Variants in ZNF503 observed in about 807,000 individuals in gnomAD.
ZNF503 encodes NocA-like zinc finger 2.
A neutral mutation model predicts 34.4 loss-of-function variants in ZNF503; 15 were observed. The ratio of observed to expected loss-of-function variants is 0.44; its 90% CI spans 0.29 to 0.67. The LOEUF is 0.67. Among genes scored for constraint, ZNF503 ranks in the 30% least tolerant of loss-of-function variants. The probability of loss-of-function intolerance (pLI) is 0.13; values close to 1 mark genes in which losing one functional copy is unlikely to be tolerated. For missense variants in ZNF503, 1,007 were observed against 926.8 expected, an observed-to-expected ratio of 1.09 and a Z score of -1.12; for synonymous variants, 580 against 456.8, an observed-to-expected ratio of 1.27 and a Z score of -3.44.
chr10:75,298,779 A>T, the ZNF503 span, among the ~76,000 whole-genome samples: 1 of 152,168 alleles, frequency 6.6e-6, no homozygotes, highest in East Asian at 1.9e-4. Flanking sequence ...TATAAATTAA[A>T]AAATGTTTTA....
the ZNF503 span, among the ~76,000 whole-genome samples, chr10:75,358,032 C>T: frequency 6.6e-6 from 1 of 152,052 alleles, no homozygotes; most frequent in Admixed American, 6.5e-5. Flanking sequence ...TTCCTTTTTT[C>T]CTTCCTCCAT....
At chr10:75,343,170 A>C in the ZNF503 span, 1 of 152,218 alleles carries the variant, frequency 6.6e-6, no homozygotes, top group African/African-American at 2.4e-5. Flanking sequence ...AGGCATGCTC[A>C]CTGAATGTAT....
chr10:75,286,767 C>G, the ZNF503 span, among the ~76,000 whole-genome samples: 1 of 152,184 alleles, frequency 6.6e-6, no homozygotes, highest in African/African-American at 2.4e-5. Context: ...CACCAACCTC[C>G]TGGCTTCCAG....
the ZNF503 span, chr10:75,382,731 C>T: frequency 2.8e-6 from 1 of 352,096 alleles, no homozygotes; most frequent in South Asian, 2.6e-5. Flanking sequence ...TATGCTGCTG[C>T]AAAAGCTGTA....
chr10:75,332,682 C>G, the ZNF503 span, among the ~76,000 whole-genome samples: 38 of 147,604 alleles, frequency 2.6e-4, no homozygotes, highest in Middle Eastern at 0.01. Flanking sequence ...TGACTCTTAA[C>G]GAGCATGCTG....
the ZNF503 span, among the ~76,000 whole-genome samples, chr10:75,288,141 A>C: frequency 1.3e-4 from 20 of 152,268 alleles, no homozygotes; most frequent in Non-Finnish European, 2.5e-4. Context: ...GATTTGTCTC[A>C]AGAGAGCCAC....
chr10:75,284,431 G>A, the ZNF503 span, among the ~76,000 whole-genome samples: 2 of 151,920 alleles, frequency 1.3e-5, no homozygotes, highest in Non-Finnish European at 2.9e-5. Flanking sequence ...TACTGGGTTG[G>A]GGGAAGGGGA....
At chr10:75,314,682 T>G in the ZNF503 span, among the ~76,000 whole-genome samples, 2 of 152,130 alleles carry the variant, frequency 1.3e-5, no homozygotes, top group Non-Finnish European at 2.9e-5. Flanking sequence ...GATACGTACA[T>G]CAATGTAGTT....
At chr10:75,345,938 AGC>A in the ZNF503 span, among the ~76,000 whole-genome samples, 1 of 152,198 alleles carries the variant, frequency 6.6e-6, no homozygotes, top group Admixed American at 6.5e-5. Context: ...GGAGCACAAG[AGC>A]GTCACTTGCT....
the ZNF503 span, among the ~76,000 whole-genome samples, chr10:75,311,627 C>A: frequency 2.8e-5 from 4 of 144,194 alleles, no homozygotes; most frequent in African/African-American, 1.0e-4. Context: ...AGTTTGAGAA[C>A]AGCCTGGCCC....
the ZNF503 span, among the ~76,000 whole-genome samples, chr10:75,359,799 C>T: frequency 6.6e-6 from 1 of 152,108 alleles, no homozygotes; most frequent in Non-Finnish European, 1.5e-5. Context: ...CTCTCTTTTT[C>T]CCCTGGGACT....
At chr10:75,361,441 G>A in the ZNF503 span, 1 of 152,150 alleles carries the variant, frequency 6.6e-6, no homozygotes, top group Non-Finnish European at 1.5e-5. Flanking sequence ...AAGCCATTCA[G>A]AAACCAATGT....
the ZNF503 span, among the ~76,000 whole-genome samples, chr10:75,289,679 G>A: frequency 1.6e-4 from 24 of 151,994 alleles, no homozygotes; most frequent in African/African-American, 4.8e-4. Flanking sequence ...TCCGCCTCCC[G>A]AGTTCAAGTA....
chr10:75,334,547 G>T, the ZNF503 span, among the ~76,000 whole-genome samples: 9 of 152,158 alleles, frequency 5.9e-5, no homozygotes, highest in Non-Finnish European at 1.3e-4. Flanking sequence ...CCTCCAGAGA[G>T]GATTTTCTTT....
the ZNF503 span, among the ~76,000 whole-genome samples, chr10:75,298,187 T>C: frequency 1.3e-5 from 2 of 152,254 alleles, no homozygotes; most frequent in East Asian, 1.9e-4. Context: ...TTTTTAAAAA[T>C]AATTTTACTA....
chr10:75,333,019 G>T, the ZNF503 span, among the ~76,000 whole-genome samples: 4 of 146,790 alleles, frequency 2.7e-5, no homozygotes, highest in African/African-American at 7.6e-5. Context: ...TGGTGGCCGG[G>T]CAGAGGGGCT....
chr10:75,374,361 C>T, the ZNF503 span, among the ~76,000 whole-genome samples: 6 of 152,260 alleles, frequency 3.9e-5, no homozygotes, highest in East Asian at 1.9e-4. Flanking sequence ...ACTGTTCCCA[C>T]GGCTTCCTGT....
At chr10:75,397,368 G>A (rs1320404109), downstream of ZNF503, among the ~76,000 whole-genome samples, 1 of 152,106 alleles carries the variant, frequency 6.6e-6, no homozygotes, top group East Asian at 1.9e-4. Flanking sequence ...GCGCCCCTCC[G>A]CCTCCCAGTC....
At chr10:75,305,522 A>T in the ZNF503 span, among the ~76,000 whole-genome samples, 6 of 152,202 alleles carry the variant, frequency 3.9e-5, no homozygotes, top group African/African-American at 9.6e-5. Context: ...AATATAAATA[A>T]CATTAAATTT....
Sources: gnomAD v4.1 joint callset for allele counts (sites outside exome capture counted in the v4.1 genomes callset) on GRCh38, gnomAD v4.1.1 for gene constraint, MANE v1.5 for transcripts, NCBI Gene and HGNC (gene_info 2026-07-23, HGNC 2026-07-21) for gene names.